Variants in GRM8 observed in about 807,000 individuals in gnomAD.
The protein encoded by GRM8 is glutamate metabotropic receptor 8.
Under a neutral mutation model 87.2 loss-of-function variants are expected in GRM8, and 47 were observed. That is an observed-to-expected ratio of 0.54 (90% CI 0.43 to 0.69). The LOEUF is 0.69. Ranked by LOEUF, GRM8 falls within the 30% of genes least tolerant of loss-of-function variation. The pLI is 0.00. For synonymous variants in GRM8, 396 were observed against 404.5 expected (o/e 0.98, Z 0.25); for missense variants, 1,019 against 1,139.2 (o/e 0.89, Z 1.52).
At chr7:126,726,953 C>A (rs905440980) in intron 7 of GRM8, among the ~76,000 whole-genome samples, 1 of 151,992 alleles carries the variant, frequency 6.6e-6, no homozygotes, top group Non-Finnish European at 1.5e-5. Context: ...TTTACATATT[C>A]TTGATATATC....
At chr7:126,817,962 C>A (rs540128085) in intron 6 of GRM8, among the ~76,000 whole-genome samples, 1 of 151,680 alleles carries the variant, frequency 6.6e-6, no homozygotes, top group Non-Finnish European at 1.5e-5. Flanking sequence ...TTTTTGCAAG[C>A]CTTATGGAAT....
intron 3 of GRM8, among the ~76,000 whole-genome samples, chr7:127,028,289 A>G (rs908772110): frequency 6.6e-6 from 1 of 152,156 alleles, no homozygotes; most frequent in Non-Finnish European, 1.5e-5. Context: ...TTGGCCTAAA[A>G]TCCTCTTTTT....
At chr7:126,669,308 C>T (rs1028607841) in intron 7 of GRM8, among the ~76,000 whole-genome samples, 2 of 150,948 alleles carry the variant, frequency 1.3e-5, no homozygotes, top group African/African-American at 4.9e-5. Flanking sequence ...ACATTCTGCA[C>T]ATGTATCCTG....
chr7:126,930,242 C>G (rs1039205676), intron 3 of GRM8, among the ~76,000 whole-genome samples: 1 of 152,336 alleles, frequency 6.6e-6, no homozygotes, highest in Non-Finnish European at 1.5e-5. Flanking sequence ...AGCTACTTAA[C>G]TTCTCTGTGC....
chr7:126,926,680 A>G (rs1805162827), intron 3 of GRM8, among the ~76,000 whole-genome samples: 1 of 152,246 alleles, frequency 6.6e-6, no homozygotes, highest in Admixed American at 6.5e-5. Flanking sequence ...AATTTAGCTC[A>G]GACTTCAGTC....
At chr7:126,442,448 A>G (rs1337573383) in intron 10 of GRM8, among the ~76,000 whole-genome samples, 10 of 152,142 alleles carry the variant, frequency 6.6e-5, no homozygotes. Flanking sequence ...TAATCTTCAC[A>G]GACAAGGTGG....
At chr7:126,681,629 G>C (rs552003091) in intron 7 of GRM8, among the ~76,000 whole-genome samples, 1 of 152,354 alleles carries the variant, frequency 6.6e-6, no homozygotes, top group East Asian at 1.9e-4. Flanking sequence ...ACCAGTGACA[G>C]AGCAGGGACT....
At chr7:126,789,696 T>C (rs542017070) in intron 6 of GRM8, among the ~76,000 whole-genome samples, 1 of 152,308 alleles carries the variant, frequency 6.6e-6, no homozygotes, top group Non-Finnish European at 1.5e-5. Flanking sequence ...AAAAAATATA[T>C]GGATATTATC....
At chr7:126,734,762 G>T (rs73226949) in intron 7 of GRM8, among the ~76,000 whole-genome samples, 5,289 of 152,016 alleles carry the variant, frequency 0.035, 177 homozygotes, top group Admixed American at 0.084. Flanking sequence ...GAATTTCCCA[G>T]TTCAAAGATT....
chr7:127,245,467 T>C (rs1016627604), intron 1 of GRM8, among the ~76,000 whole-genome samples: 1 of 152,228 alleles, frequency 6.6e-6, no homozygotes, highest in African/African-American at 2.4e-5. Flanking sequence ...CTTTCAATTA[T>C]AGACGAACAT....
chr7:126,651,710 G>T (rs1037705116), intron 7 of GRM8, among the ~76,000 whole-genome samples: 1 of 152,190 alleles, frequency 6.6e-6, no homozygotes, highest in African/African-American at 2.4e-5. Flanking sequence ...TAAGAAGGGA[G>T]TTACAGTGTT....
chr7:127,236,492 C>T (rs536774532), intron 2 of GRM8, among the ~76,000 whole-genome samples: 235 of 152,252 alleles, frequency 1.5e-3, no homozygotes, highest in South Asian at 4.1e-3. Context: ...CAGGAAGGAG[C>T]GTGCCAAACA....
At chr7:126,750,316 T>C (rs1045474154) in intron 7 of GRM8, among the ~76,000 whole-genome samples, 8 of 152,158 alleles carry the variant, frequency 5.3e-5, no homozygotes, top group Admixed American at 5.2e-4. Context: ...AGAAATGGGA[T>C]TCAGGACATG....
intron 3 of GRM8, among the ~76,000 whole-genome samples, chr7:127,066,125 A>G (rs900604409): frequency 6.6e-6 from 1 of 152,220 alleles, no homozygotes; most frequent in African/African-American, 2.4e-5. Context: ...AAGTCATCAC[A>G]TTGAAGAAAC....
At chr7:126,916,508 C>T (rs1803915096) in intron 3 of GRM8, among the ~76,000 whole-genome samples, 1 of 152,182 alleles carries the variant, frequency 6.6e-6, no homozygotes, top group Non-Finnish European at 1.5e-5. Context: ...ATACCTTCTG[C>T]AGATAGGACA....
At chr7:126,995,495 C>A (rs1819775) in intron 3 of GRM8, among the ~76,000 whole-genome samples, 54,921 of 151,996 alleles carry the variant, frequency 0.36, 10,095 homozygotes, top group African/African-American at 0.44. Context: ...CTATCAGATA[C>A]ATTTAACAAA....
chr7:126,989,372 C>G (rs1416312110), intron 3 of GRM8, among the ~76,000 whole-genome samples: 1 of 152,074 alleles, frequency 6.6e-6, no homozygotes, highest in African/African-American at 2.4e-5. Context: ...AATCATAACT[C>G]TGCTTCAAAG....
At chr7:126,692,133 C>A (rs1454483405) in intron 7 of GRM8, among the ~76,000 whole-genome samples, 1 of 152,148 alleles carries the variant, frequency 6.6e-6, no homozygotes, top group African/African-American at 2.4e-5. Context: ...TGCCCATTCA[C>A]AATGGGAATT....
At chr7:126,646,446 C>G (rs1156973762) in intron 7 of GRM8, among the ~76,000 whole-genome samples, 1 of 152,158 alleles carries the variant, frequency 6.6e-6, no homozygotes, top group Non-Finnish European at 1.5e-5. Flanking sequence ...CACTCACTAA[C>G]CCATCTTCCT....
Sources: gnomAD v4.1 joint callset for allele counts (sites outside exome capture counted in the v4.1 genomes callset) on GRCh38, gnomAD v4.1.1 for gene constraint, MANE v1.5 for transcripts, NCBI Gene and HGNC (gene_info 2026-07-23, HGNC 2026-07-21) for gene names.